The following MTCL1 variants were observed in gnomAD, a reference collection of about 807,000 sequenced individuals.
The protein encoded by MTCL1 is microtubule crosslinking factor 1.
MTCL1 carries 79 observed loss-of-function variants against 141.4 expected under a neutral mutation model. That is an observed-to-expected ratio of 0.56 (90% CI 0.47 to 0.67). MTCL1 has a LOEUF of 0.67. MTCL1 is among the 30% of genes least tolerant of loss of function. The pLI is 0.00. For missense variants in MTCL1, 2,177 were observed against 2,113.9 expected (o/e 1.03, Z -0.59); for synonymous variants, 914 against 875.8 (o/e 1.04, Z -0.77).
intron 4 of MTCL1, among the ~76,000 whole-genome samples, chr18:8,738,706 A>G (rs2096286026): frequency 6.6e-6 from 1 of 152,210 alleles, no homozygotes; most frequent in Non-Finnish European, 1.5e-5. Flanking sequence ...TACCTGGTGC[A>G]TTGATAAGGA....
chr18:8,706,478 C>G, exon 1 of MTCL1: 1 of 1,267,306 alleles, frequency 7.9e-7, no homozygotes, highest in Non-Finnish European at 9.9e-7. Flanking sequence ...CTCGCCGCGC[C>G]CCTCGCCGCG....
At position 8,720,396 on chromosome 18, in the gene MTCL1, G is replaced by A. The variant is rs371187347; in HGVS notation, c.257G>A (p.Arg86His). ...GAACTTAAGACGGTGGAGGAAAAGC[G>A]CGCTAAAGCTGAGGATGAAAACGAA... is the stretch of plus-strand genomic sequence containing the variant. Residue 86 changes from arginine (R) to histidine (H), a missense_variant, in exon 4 of 17, where the codon CGC becomes CAC. Physicochemically the swap from Arg to His is conservative, Grantham distance 29. Transcript: ENST00000359865. 26 of 1,613,992 alleles carry A rather than the reference G, an allele frequency of 1.6e-5. No individual in the cohort carries two copies. The highest frequency in any genetic ancestry group is 8.0e-5 in the African/African-American group (6 of 74,898).
intron 4 of MTCL1, among the ~76,000 whole-genome samples, chr18:8,759,893 C>G (rs2096421840): frequency 6.6e-6 from 1 of 152,032 alleles, no homozygotes; most frequent in African/African-American, 2.4e-5. Context: ...TTTGCGATTC[C>G]CGGTTTCTCC....
exon 12 of MTCL1, chr18:8,813,020 C>T (rs372728490): frequency 1.8e-5 from 29 of 1,614,030 alleles, no homozygotes; most frequent in Admixed American, 3.3e-5. Context: ...AACTAGGCTC[C>T]TCCGCTGAGA....
exon 1 of MTCL1, chr18:8,706,466 T>TCCTCGCCGCGCC (rs1404683868): frequency 4.8e-6 from 6 of 1,259,536 alleles, no homozygotes; most frequent in African/African-American, 3.1e-5. Flanking sequence ...CCCCCAGCGC[T>TCCTCGCCGCGCC]CCTCGCCGCG....
rs746877586 is a variant in MTCL1 at position 8,828,559 on chromosome 18, T to A, written c.4723-349T>A. On this transcript the variant is annotated intron_variant, in intron 15 of 16. Transcript: ENST00000359865. This position sits in a 1 kb window ranked among gnomAD's most constrained non-coding sequence, Gnocchi z 5.2. ...AGATACCAGTCATGCAATTTCCATA[T>A]CTCTGTTTGCCAAAGTGCTGTTTGA... Among the ~76,000 whole-genome samples the A allele has an allele frequency of 6.6e-6, 1 of 152,162 alleles. No individual in the cohort carries two copies. The highest frequency in any genetic ancestry group is 2.4e-5 in the African/African-American group (1 of 41,442).
At chr18:8,803,501 A>G (rs2076192064) in intron 10 of MTCL1, among the ~76,000 whole-genome samples, 1 of 152,224 alleles carries the variant, frequency 6.6e-6, no homozygotes, top group Non-Finnish European at 1.5e-5. Context: ...TCATTAGGAA[A>G]ATCATGCCTA....
intron 4 of MTCL1, among the ~76,000 whole-genome samples, chr18:8,764,856 C>G (rs183536086): frequency 3.3e-5 from 5 of 152,292 alleles, no homozygotes; most frequent in Admixed American, 2.6e-4. Flanking sequence ...CAAAGTTTTT[C>G]TAAAGGCATT....
intron 8 of MTCL1, among the ~76,000 whole-genome samples, chr18:8,793,803 C>G (rs2075819825): frequency 6.6e-6 from 1 of 152,200 alleles, no homozygotes; most frequent in Non-Finnish European, 1.5e-5. Context: ...TAAAACGAAA[C>G]AAAGCAAAGC....
In MTCL1 at chr18:8,778,532, C is replaced by T. The variant is rs541117217; in HGVS notation, c.417+640C>T. Among the ~76,000 whole-genome samples, 29 of 152,274 alleles carry T rather than the reference C, an allele frequency of 1.9e-4. 1 individual carries two copies. In the South Asian group the frequency reaches 5.4e-3, roughly 28 times the overall value. ...TAGTAATTAGAGAGACACAATGAGT[C>T]GGGGTAACTAAGAGCTCAGCAACCT... is the stretch of plus-strand genomic sequence containing the variant. On this transcript the variant is annotated intron_variant, in intron 5 of 16. Coordinates refer to ENST00000359865, the Ensembl canonical transcript of MTCL1.
At chr18:8,780,106 C>T (rs1380685677) in intron 5 of MTCL1, among the ~76,000 whole-genome samples, 1 of 152,190 alleles carries the variant, frequency 6.6e-6, no homozygotes, top group African/African-American at 2.4e-5. Flanking sequence ...GAGATCTTAC[C>T]TCCTTCCCCA....
At chr18:8,740,585 C>G in intron 4 of MTCL1, among the ~76,000 whole-genome samples, 1 of 152,136 alleles carries the variant, frequency 6.6e-6, no homozygotes, top group East Asian at 1.9e-4. Context: ...TGGGTTCAAG[C>G]GATTTTCCTG....
chr18:8,804,576 A>C (rs997563030), intron 10 of MTCL1, among the ~76,000 whole-genome samples: 4 of 152,210 alleles, frequency 2.6e-5, no homozygotes, highest in Non-Finnish European at 5.9e-5. Flanking sequence ...CTATCTGCCG[A>C]GTTCTTCAAA....
At chr18:8,729,673 AATATATATATATATATATATATATAT>A (rs3051533) in intron 4 of MTCL1, among the ~76,000 whole-genome samples, 230 of 131,576 alleles carry the variant, frequency 1.7e-3, no homozygotes, top group African/African-American at 3.8e-3. Flanking sequence ...CAAGAAGACA[AATATATATATATATATATATATATAT>A]ATATATATAT....
intron 4 of MTCL1, among the ~76,000 whole-genome samples, chr18:8,724,003 G>A (rs1243896386): frequency 6.6e-6 from 1 of 152,156 alleles, no homozygotes; most frequent in Non-Finnish European, 1.5e-5. Flanking sequence ...GGAGAAGCGG[G>A]ACCAACTGCT....
intron 12 of MTCL1, among the ~76,000 whole-genome samples, chr18:8,814,778 G>A (rs781263920): frequency 6.6e-6 from 1 of 152,150 alleles, no homozygotes; most frequent in Non-Finnish European, 1.5e-5. Context: ...GGTGCCCTTC[G>A]CCTGTTAGCC....
At chr18:8,742,754 C>T (rs1598456464) in intron 4 of MTCL1, among the ~76,000 whole-genome samples, 1 of 152,302 alleles carries the variant, frequency 6.6e-6, no homozygotes, top group South Asian at 2.1e-4. Context: ...TTTAGTACTT[C>T]TGAATTTCTT....
intron 1 of MTCL1, 40 bp downstream of exon 1, chr18:8,706,753 CG>C (rs1243368535): frequency 6.5e-7 from 1 of 1,540,106 alleles, no homozygotes; most frequent in Non-Finnish European, 8.7e-7. Flanking sequence ...GGGGCGCCCC[CG>C]GAGGGCCTGG....
intron 4 of MTCL1, among the ~76,000 whole-genome samples, chr18:8,750,619 T>C (rs1424496584): frequency 1.3e-5 from 2 of 152,216 alleles, no homozygotes; most frequent in Admixed American, 1.3e-4. Context: ...CAGTTCTTCC[T>C]TGGGGTTACC....
Sources: gnomAD v4.1 joint callset for allele counts (sites outside exome capture counted in the v4.1 genomes callset) on GRCh38, gnomAD v4.1.1 for gene constraint, Gnocchi (gnomAD v3.1) non-coding constraint, MANE v1.5 for transcripts, NCBI Gene and HGNC (gene_info 2026-07-23, HGNC 2026-07-21) for gene names.